Variants in KCNIP4 observed in about 807,000 individuals in gnomAD.
The protein encoded by KCNIP4 is potassium voltage-gated channel interacting protein 4.
A neutral mutation model predicts 34.0 loss-of-function variants in KCNIP4; 12 were observed. The observed-to-expected ratio is 0.35, with a 90% CI of 0.23 to 0.57. The LOEUF (loss-of-function observed/expected upper bound fraction) is 0.57, where lower values mean the gene tolerates loss of function less well. Among genes scored for constraint, KCNIP4 ranks in the 20% least tolerant of loss-of-function variants. The probability of loss-of-function intolerance (pLI) is 0.83; values close to 1 mark genes in which losing one functional copy is unlikely to be tolerated. For missense variants in KCNIP4, 238 were observed against 311.7 expected, an observed-to-expected ratio of 0.76 and a Z score of 1.78; for synonymous variants, 124 against 102.2, an observed-to-expected ratio of 1.21 and a Z score of -1.29.
chr4:20,884,706 CTTTTTTT>C (rs975286527), intron 1 of KCNIP4, among the ~76,000 whole-genome samples: 2 of 125,706 alleles, frequency 1.6e-5, no homozygotes, highest in East Asian at 4.5e-4. Flanking sequence ...CCAGTGCAGC[CTTTTTTT>C]TTTTTTTTTT....
intron 1 of KCNIP4, among the ~76,000 whole-genome samples, chr4:21,774,546 C>T (rs747662273): frequency 4.6e-5 from 7 of 152,126 alleles, no homozygotes; most frequent in Non-Finnish European, 1.0e-4. Context: ...AGCTTGTTTC[C>T]GTTCTCCCTG....
intron 1 of KCNIP4, among the ~76,000 whole-genome samples, chr4:21,525,635 C>A (rs1207991869): frequency 6.6e-6 from 1 of 152,078 alleles, no homozygotes; most frequent in African/African-American, 2.4e-5. Context: ...TACAGCAGTG[C>A]TCATGTTATC....
Position 20,729,869 on chromosome 4 carries a change from C to CATCCCCTGAACTCAGTGGCATTATGAAA in KCNIP4, c.*185_*212dup. 2.2e-6 allele frequency: 1 copy of CATCCCCTGAACTCAGTGGCATTATGAAA among 444,590 alleles called. No individual in the cohort carries two copies. The highest frequency in any genetic ancestry group is 3.9e-6 in the Non-Finnish European group (1 of 254,490). 27.5% of individuals were successfully genotyped at this position (444,590 alleles called of 1,614,324 possible). A position where few individuals can be genotyped will look rare whatever the true frequency, so the allele number is the denominator to read the frequency against. ...TCACAGAGTATGAAATGAGTTAGAC[C>CATCCCCTGAACTCAGTGGCATTATGAAA]ATCCCCTGAACTCAGTGGCATTATG... On this transcript the variant is annotated 3_prime_UTR_variant, in exon 9 of 9. Transcript: ENST00000382152.
At chr4:21,611,662 T>C (rs938821044) in intron 1 of KCNIP4, among the ~76,000 whole-genome samples, 1 of 152,142 alleles carries the variant, frequency 6.6e-6, no homozygotes, top group Non-Finnish European at 1.5e-5. Flanking sequence ...TTTGTTTTTG[T>C]TTTTGTTTTT....
At chr4:21,939,643 T>C (rs1254432343) in intron 1 of KCNIP4, among the ~76,000 whole-genome samples, 1 of 152,116 alleles carries the variant, frequency 6.6e-6, no homozygotes, top group Non-Finnish European at 1.5e-5. Context: ...TCAGATATCA[T>C]GACTTCAGCA....
chr4:21,216,828 G>C (rs1041672847), intron 1 of KCNIP4, among the ~76,000 whole-genome samples: 1 of 152,064 alleles, frequency 6.6e-6, no homozygotes, highest in Non-Finnish European at 1.5e-5. Context: ...AATCCATAAA[G>C]GCTTCATGAA....
At chr4:20,758,542 C>A (rs1021862240) in intron 4 of KCNIP4, among the ~76,000 whole-genome samples, 1 of 151,992 alleles carries the variant, frequency 6.6e-6, no homozygotes, top group African/African-American at 2.4e-5. Context: ...TTTTTGAGCA[C>A]CCTCATAATA....
intron 1 of KCNIP4, among the ~76,000 whole-genome samples, chr4:21,690,459 T>C (rs1021471893): frequency 6.6e-6 from 1 of 152,198 alleles, no homozygotes; most frequent in Non-Finnish European, 1.5e-5. Context: ...CCCTCCCCAG[T>C]GTAATGAGTT....
At chr4:21,173,654 C>T (rs1161411418) in intron 1 of KCNIP4, among the ~76,000 whole-genome samples, 1 of 152,148 alleles carries the variant, frequency 6.6e-6, no homozygotes, top group Non-Finnish European at 1.5e-5. Context: ...TGCCCAAGGT[C>T]ATAGCCTCTT....
At chr4:21,856,178 G>C (rs1288068067) in intron 1 of KCNIP4, among the ~76,000 whole-genome samples, 1 of 152,130 alleles carries the variant, frequency 6.6e-6, no homozygotes, top group Non-Finnish European at 1.5e-5. Context: ...ATCACCAGAA[G>C]ACTTCACTCA....
At chr4:20,912,150 C>G (rs551695303) in intron 1 of KCNIP4, among the ~76,000 whole-genome samples, 1 of 152,246 alleles carries the variant, frequency 6.6e-6, no homozygotes, top group East Asian at 1.9e-4. Flanking sequence ...GGGGCTCTGA[C>G]TAGAATTACT....
Position 21,771,015 on chromosome 4 carries a change from C to T in KCNIP4, c.61+177556G>A, listed in dbSNP as rs190751856. On this transcript the variant is annotated intron_variant, in intron 1 of 8. Transcript: ENST00000382152. ...TGGCATTTTTGCATGAAGTCTTTGC[C>T]CATGCCTGTGTCCCAAATGATATTG... Among the ~76,000 whole-genome samples the T allele has an allele frequency of 7.3e-4, 111 of 152,168 alleles. 2 individuals are homozygous for T. The highest frequency in any genetic ancestry group is 1.3e-3 in the Non-Finnish European group (88 of 68,010).
chr4:21,819,137 T>C (rs1300782127), intron 1 of KCNIP4, among the ~76,000 whole-genome samples: 1 of 152,264 alleles, frequency 6.6e-6, no homozygotes. Flanking sequence ...ATATTTTCTT[T>C]GCACTGATAT....
Position 20,863,459 on chromosome 4 carries a change from A to G in KCNIP4, c.164-12792T>C, listed in dbSNP as rs147336435. On this transcript the variant is annotated intron_variant, in intron 2 of 8. Coordinates refer to ENST00000382152, the MANE Select transcript of KCNIP4 (RefSeq NM_025221.6). The stretch of plus-strand genomic sequence containing the variant: ...CCCCAGGAGCAATTTGGGGAAGTTC[A>G]GACTCTTGCAGCCAGAGGCTGCCTG... Among the ~76,000 whole-genome samples the G allele has an allele frequency of 1.7e-3, 265 of 152,276 alleles. 1 individual carries two copies. The highest frequency in any genetic ancestry group is 5.7e-3 in the African/African-American group (237 of 41,570).
At chr4:20,841,323 G>A (rs1719690538) in intron 3 of KCNIP4, among the ~76,000 whole-genome samples, 1 of 152,138 alleles carries the variant, frequency 6.6e-6, no homozygotes, top group South Asian at 2.1e-4. Context: ...GAATTTTGTA[G>A]TAAAGAAGGT....
Position 21,078,217 on chromosome 4 carries a change from G to A in KCNIP4, c.62-195508C>T, listed in dbSNP as rs143987476. Among the ~76,000 whole-genome samples the A allele has an allele frequency of 1.7e-4, 26 of 152,138 alleles. No homozygotes were observed. The East Asian group carries it at 2.7e-3, about 16-fold the overall frequency. On this transcript the variant is annotated intron_variant, in intron 1 of 8. Transcript: ENST00000382152. ...GTGACTGGAAAGAGTCAGGGAGTGC[G>A]GGAAAAGAGTCAAAGGTGATCCTTA... is the stretch of plus-strand genomic sequence containing the variant.
At chr4:21,392,612 T>C (rs956397157) in intron 1 of KCNIP4, among the ~76,000 whole-genome samples, 1 of 152,224 alleles carries the variant, frequency 6.6e-6, no homozygotes, top group Non-Finnish European at 1.5e-5. Flanking sequence ...ATAATTACCC[T>C]TAAGAATGTT....
At chr4:21,854,425 T>G (rs555352307) in intron 1 of KCNIP4, among the ~76,000 whole-genome samples, 38 of 152,322 alleles carry the variant, frequency 2.5e-4, no homozygotes, top group African/African-American at 9.1e-4. Context: ...TTTTACTTTT[T>G]TTTCCATCAA....
chr4:20,863,336 C>T (rs1722415070), intron 2 of KCNIP4, among the ~76,000 whole-genome samples: 1 of 151,950 alleles, frequency 6.6e-6, no homozygotes, highest in Non-Finnish European at 1.5e-5. Flanking sequence ...AAATGGTTGA[C>T]TCAGATTATC....
Sources: allele counts gnomAD v4.1 joint callset (sites outside exome capture counted in the v4.1 genomes callset), GRCh38; gene constraint gnomAD v4.1.1; transcripts MANE v1.5; gene names NCBI Gene and HGNC (gene_info 2026-07-23, HGNC 2026-07-21).